The following CFAP95 variants were observed in gnomAD, a reference collection of about 807,000 sequenced individuals.
The protein encoded by CFAP95 is cilia- and flagella-associated protein 95.
chr9:69,844,635 T>A, the CFAP95 span: 5 of 1,571,042 alleles, frequency 3.2e-6, no homozygotes, highest in Non-Finnish European at 4.3e-6. Flanking sequence ...AGTAAGTAGT[T>A]GCTATTACTT....
At chr9:69,843,505 C>CCACCTCCT in the CFAP95 span, among the ~76,000 whole-genome samples, 1 of 3,836 alleles carries the variant, frequency 2.6e-4, no homozygotes, top group African/African-American at 9.5e-4. Context: ...CCTCCTCCCC[C>CCACCTCCT]CCTCCTCCTC....
chr9:69,879,108 A>G, the CFAP95 span, among the ~76,000 whole-genome samples: 1 of 152,214 alleles, frequency 6.6e-6, no homozygotes. Context: ...ACAATTCAAC[A>G]TGAGATTTGG....
At chr9:69,836,693 T>TA in the CFAP95 span, among the ~76,000 whole-genome samples, 1 of 150,270 alleles carries the variant, frequency 6.7e-6, no homozygotes, top group Non-Finnish European at 1.5e-5. Context: ...CAATTTCTTT[T>TA]TTTTTTTTTT....
chr9:69,904,659 A>G, the CFAP95 span, among the ~76,000 whole-genome samples: 2 of 152,132 alleles, frequency 1.3e-5, no homozygotes, highest in Non-Finnish European at 2.9e-5. Flanking sequence ...TGCAGCAGGG[A>G]TGGGAATGAG....
the CFAP95 span, among the ~76,000 whole-genome samples, chr9:69,851,876 G>GAA: frequency 6.8e-3 from 966 of 142,886 alleles, 9 homozygotes; most frequent in African/African-American, 0.021. Flanking sequence ...TAAAAATAGA[G>GAA]AAAAAAAAAA....
At chr9:69,900,411 T>A in the CFAP95 span, among the ~76,000 whole-genome samples, 2 of 152,166 alleles carry the variant, frequency 1.3e-5, no homozygotes, top group Non-Finnish European at 2.9e-5. Context: ...GGGTTTTACG[T>A]GTGGTATTTT....
At chr9:69,856,958 A>G in the CFAP95 span, among the ~76,000 whole-genome samples, 2 of 132,756 alleles carry the variant, frequency 1.5e-5, no homozygotes, top group African/African-American at 2.8e-5. Context: ...GGTTCTGACT[A>G]TCCAGGTTTG....
chr9:69,850,562 T>C, the CFAP95 span, among the ~76,000 whole-genome samples: 1 of 152,224 alleles, frequency 6.6e-6, no homozygotes, highest in Non-Finnish European at 1.5e-5. Context: ...ATTTACTTAA[T>C]TGGTTCAAGT....
chr9:69,843,557 CCTTCTTCTTCTTCTTCTTCTT>C, the CFAP95 span, among the ~76,000 whole-genome samples: 59 of 14,706 alleles, frequency 4.0e-3, no homozygotes, highest in Middle Eastern at 0.071. Flanking sequence ...TCCTCCTCCT[CCTTCTTCTTCTTCTTCTTCTT>C]CTTCTTCTTC....
the CFAP95 span, among the ~76,000 whole-genome samples, chr9:69,895,840 G>A: frequency 6.6e-6 from 1 of 152,052 alleles, no homozygotes; most frequent in Non-Finnish European, 1.5e-5. Context: ...CTGTCACTCA[G>A]ACTGGAGTGC....
At chr9:69,866,106 C>T in the CFAP95 span, among the ~76,000 whole-genome samples, 3 of 152,138 alleles carry the variant, frequency 2.0e-5, no homozygotes, top group Admixed American at 2.0e-4. Flanking sequence ...ACTAAGAGAC[C>T]TCTGGCACAT....
chr9:69,830,222 A>G, the CFAP95 span, among the ~76,000 whole-genome samples: 1 of 152,184 alleles, frequency 6.6e-6, no homozygotes, highest in African/African-American at 2.4e-5. Context: ...TTCTGGCTCA[A>G]CAAATTCCAG....
At chr9:69,835,385 C>T in the CFAP95 span, among the ~76,000 whole-genome samples, 4 of 152,164 alleles carry the variant, frequency 2.6e-5, no homozygotes, top group East Asian at 1.9e-4. Context: ...GATTCAAACC[C>T]CTTTGCAATC....
At chr9:69,892,557 G>C in the CFAP95 span, among the ~76,000 whole-genome samples, 1 of 152,160 alleles carries the variant, frequency 6.6e-6, no homozygotes, top group Non-Finnish European at 1.5e-5. Flanking sequence ...GAAATACTGG[G>C]TAGAAGAGGG....
the CFAP95 span, among the ~76,000 whole-genome samples, chr9:69,892,882 AG>A: frequency 6.6e-6 from 1 of 152,122 alleles, no homozygotes; most frequent in Non-Finnish European, 1.5e-5. Context: ...ATCCCTTTCC[AG>A]CTCTCCATCC....
the CFAP95 span, among the ~76,000 whole-genome samples, chr9:69,853,498 C>T: frequency 2.6e-5 from 4 of 152,242 alleles, no homozygotes; most frequent in South Asian, 4.2e-4. Flanking sequence ...GATTATCCTG[C>T]GAGTTTGTGC....
At chr9:69,863,417 T>G in the CFAP95 span, among the ~76,000 whole-genome samples, 1 of 152,192 alleles carries the variant, frequency 6.6e-6, no homozygotes, top group Non-Finnish European at 1.5e-5. Context: ...GGAACATGAA[T>G]ATAGTTAGTA....
the CFAP95 span, among the ~76,000 whole-genome samples, chr9:69,870,509 T>C: frequency 0.018 from 2,769 of 152,330 alleles, 90 homozygotes; most frequent in African/African-American, 0.063. Context: ...TCTTATTAAC[T>C]AGCTTTCATC....
the CFAP95 span, chr9:69,884,304 C>T: frequency 2.0e-5 from 3 of 152,166 alleles, no homozygotes; most frequent in African/African-American, 7.2e-5. Flanking sequence ...GACAGGATCT[C>T]TCTCTGTCAC....
Sources: allele counts gnomAD v4.1 joint callset (sites outside exome capture counted in the v4.1 genomes callset), GRCh38; gene constraint gnomAD v4.1.1; transcripts MANE v1.5; gene names NCBI Gene and HGNC (gene_info 2026-07-23, HGNC 2026-07-21).